The following ADGB variants were observed in gnomAD, a reference collection of about 807,000 sequenced individuals.
ADGB encodes calpain-7-like protein.
A neutral mutation model predicts 210.5 loss-of-function variants in ADGB; 172 were observed. The ratio of observed to expected loss-of-function variants is 0.82; its 90% CI spans 0.72 to 0.93. The LOEUF is 0.93. Ranked by LOEUF, ADGB falls within the 40% of genes least tolerant of loss-of-function variation. ADGB has a pLI of 0.00. For missense variants in ADGB, 2,025 were observed against 1,964.8 expected, an observed-to-expected ratio of 1.03 and a Z score of -0.58; for synonymous variants, 658 against 662.7, an observed-to-expected ratio of 0.99 and a Z score of 0.11.
chr6:146,601,422 G>T (rs553679073), intron 1 of ADGB, among the ~76,000 whole-genome samples: 2 of 152,276 alleles, frequency 1.3e-5, no homozygotes, highest in South Asian at 4.1e-4. Flanking sequence ...TAAATAATTG[G>T]ATGTTAAGTT....
chr6:146,715,392 C>A lies in ADGB; in HGVS notation c.1718C>A (p.Ala573Asp), dbSNP rs1230190261. 8.7e-6 allele frequency: 13 copies of A among 1,497,648 alleles called. No homozygotes were observed. The highest frequency in any genetic ancestry group is 1.1e-5 in the Non-Finnish European group (12 of 1,123,612). 92.8% of individuals were successfully genotyped at this position (1,497,648 alleles called of 1,614,324 possible). A position where few individuals can be genotyped will look rare whatever the true frequency, so the allele number is the denominator to read the frequency against. ...ITKATSQGNT[A>D]SQVILGKGTD... ...TCTTTTAATTCATAGGGAAATACTG[C>A]TTCACAAGTTATACTTGGAAAAGGT... Residue 573 changes from alanine (A) to aspartate (D), a missense_variant, in exon 14 of 36, where the codon GCT becomes GAT. By Grantham distance (126) the Ala-to-Asp change is moderately radical. Coordinates refer to ENST00000397944, the MANE Select transcript of ADGB (RefSeq NM_024694.4).
At chr6:146,769,579 T>C (rs1777624328) in intron 29 of ADGB, among the ~76,000 whole-genome samples, 1 of 152,150 alleles carries the variant, frequency 6.6e-6, no homozygotes, top group African/African-American at 2.4e-5. Flanking sequence ...TTTTTCAAAA[T>C]ATAAACTACT....
chr6:146,648,951 ATATAT>A (rs1451307596), intron 3 of ADGB, among the ~76,000 whole-genome samples: 1 of 151,886 alleles, frequency 6.6e-6, no homozygotes, highest in Non-Finnish European at 1.5e-5. Flanking sequence ...TTAGAAACAC[ATATAT>A]TATATTAAAC....
chr6:146,790,995 G>A (rs1777946898), intron 33 of ADGB, among the ~76,000 whole-genome samples: 1 of 152,058 alleles, frequency 6.6e-6, no homozygotes, highest in African/African-American at 2.4e-5. Flanking sequence ...CTCTTCTTTT[G>A]AGTAATATCT....
chr6:146,793,654 T>G (rs1270300458), intron 33 of ADGB, among the ~76,000 whole-genome samples: 1 of 152,032 alleles, frequency 6.6e-6, no homozygotes, highest in East Asian at 1.9e-4. Context: ...CGAAGGCGAG[T>G]AATAGCAAGA....
chr6:146,665,168 T>A (rs973402014), intron 6 of ADGB, among the ~76,000 whole-genome samples: 8 of 152,044 alleles, frequency 5.3e-5, no homozygotes, highest in African/African-American at 1.9e-4. Context: ...ACAGTACATG[T>A]TAGAGATTTG....
At chr6:146,689,950 T>TA (rs1776279137) in intron 10 of ADGB, among the ~76,000 whole-genome samples, 1 of 152,168 alleles carries the variant, frequency 6.6e-6, no homozygotes, top group South Asian at 2.1e-4. Flanking sequence ...ACCAAAGGGA[T>TA]AAAAAGAAAA....
chr6:146,730,321 G>T (rs1562285602), intron 20 of ADGB, among the ~76,000 whole-genome samples: 1 of 152,032 alleles, frequency 6.6e-6, no homozygotes, highest in Non-Finnish European at 1.5e-5. Context: ...GCCAGAAGAT[G>T]GTGCACATCA....
intron 27 of ADGB, among the ~76,000 whole-genome samples, chr6:146,754,319 G>A (rs1777370972): frequency 6.6e-6 from 1 of 150,890 alleles, no homozygotes. Context: ...TCTTTTCTTA[G>A]AAAGAATTGG....
chr6:146,610,575 C>T (rs1780692571), intron 1 of ADGB, among the ~76,000 whole-genome samples: 2 of 152,112 alleles, frequency 1.3e-5, no homozygotes, highest in South Asian at 4.1e-4. Flanking sequence ...TGAATTTAGT[C>T]AACTGGCTTC....
At chr6:146,759,229 G>T (rs931963951) in intron 27 of ADGB, among the ~76,000 whole-genome samples, 2 of 151,770 alleles carry the variant, frequency 1.3e-5, no homozygotes, top group Non-Finnish European at 1.5e-5. Context: ...TTCATTGCAA[G>T]GATGCAGAAG....
intron 12 of ADGB, among the ~76,000 whole-genome samples, chr6:146,696,716 GT>G (rs1325337000): frequency 6.6e-6 from 1 of 152,132 alleles, no homozygotes; most frequent in Non-Finnish European, 1.5e-5. Flanking sequence ...CTCAAATTAT[GT>G]TCCTAAAAGG....
At chr6:146,677,545 T>C (rs537937411) in intron 9 of ADGB, among the ~76,000 whole-genome samples, 1 of 152,312 alleles carries the variant, frequency 6.6e-6, no homozygotes, top group East Asian at 1.9e-4. Flanking sequence ...CTTATATTGA[T>C]GCCTTAAGCA....
At chr6:146,795,595 C>T (rs1338892880) in intron 33 of ADGB, among the ~76,000 whole-genome samples, 4 of 152,136 alleles carry the variant, frequency 2.6e-5, no homozygotes, top group Non-Finnish European at 4.4e-5. Flanking sequence ...ATCAAAACCA[C>T]AATGAGATAC....
chr6:146,808,341 T>C (rs540495114), intron 35 of ADGB, among the ~76,000 whole-genome samples: 88 of 152,262 alleles, frequency 5.8e-4, no homozygotes, highest in Non-Finnish European at 1.0e-3. Context: ...AGAAACCTCC[T>C]TCATAGACCA....
chr6:146,614,184 C>T (rs1268062898), intron 1 of ADGB, among the ~76,000 whole-genome samples: 1 of 72,434 alleles, frequency 1.4e-5, no homozygotes, highest in Non-Finnish European at 2.5e-5. Flanking sequence ...TCTCTCCCTC[C>T]CTCCCTCCCT....
chr6:146,781,171 C>CAAAAAAAAAAAAA (rs71031009), intron 29 of ADGB, among the ~76,000 whole-genome samples: 8 of 90,914 alleles, frequency 8.8e-5, no homozygotes, highest in Middle Eastern at 0.01. Context: ...ACTAAAAATA[C>CAAAAAAAAAAAAA]AAAAAAAAAA....
chr6:146,697,269 A>T (rs990521467), intron 12 of ADGB, among the ~76,000 whole-genome samples: 4 of 152,296 alleles, frequency 2.6e-5, no homozygotes, highest in East Asian at 1.9e-4. Flanking sequence ...ATTGGGTGAT[A>T]TGAGTGCAGG....
chr6:146,633,943 C>T (rs1232553171), intron 1 of ADGB, among the ~76,000 whole-genome samples: 2 of 152,086 alleles, frequency 1.3e-5, no homozygotes, highest in East Asian at 3.9e-4. Flanking sequence ...CAGTAGTGTA[C>T]AGTAATCTCC....
Sources: allele counts gnomAD v4.1 joint callset (sites outside exome capture counted in the v4.1 genomes callset), GRCh38; gene constraint gnomAD v4.1.1; transcripts MANE v1.5; gene names NCBI Gene and HGNC (gene_info 2026-07-23, HGNC 2026-07-21).